DLGAP2: variants seen among roughly 807,000 people sequenced by gnomAD.
DLGAP2 encodes the protein disks large-associated protein 2.
In DLGAP2, 26 loss-of-function variants were observed where a neutral mutation model predicts 100.3. The observed-to-expected ratio is 0.26, with a 90% CI of 0.19 to 0.36. The LOEUF (loss-of-function observed/expected upper bound fraction) is 0.36, where lower values mean the gene tolerates loss of function less well. DLGAP2 is among the 10% of genes least tolerant of loss of function. The probability of loss-of-function intolerance (pLI) is 1.00; values close to 1 mark genes in which losing one functional copy is unlikely to be tolerated. For synonymous variants in DLGAP2, 886 were observed against 630.1 expected (o/e 1.41, Z -6.08); for missense variants, 1,858 against 1,453.2 (o/e 1.28, Z -4.53).
At chr8:1,645,252 AG>A (rs1438984158) in intron 8 of DLGAP2, among the ~76,000 whole-genome samples, 2 of 152,268 alleles carry the variant, frequency 1.3e-5, no homozygotes, top group African/African-American at 4.8e-5. Context: ...CACATTCTGT[AG>A]AAACCATACT....
At chr8:1,525,159 A>G (rs554049828) in intron 4 of DLGAP2, among the ~76,000 whole-genome samples, 52 of 148,062 alleles carry the variant, frequency 3.5e-4, no homozygotes, top group African/African-American at 1.3e-3. Context: ...ACTTCAAAGC[A>G]ATTCACCGGT....
At chr8:1,648,541 T>C (rs1322614316) in intron 8 of DLGAP2, among the ~76,000 whole-genome samples, 1 of 152,148 alleles carries the variant, frequency 6.6e-6, no homozygotes, top group East Asian at 1.9e-4. Context: ...CTCCTGGTCA[T>C]AGGCCATTGG....
chr8:1,641,087 C>T (rs1797887586), intron 8 of DLGAP2, among the ~76,000 whole-genome samples: 2 of 152,102 alleles, frequency 1.3e-5, no homozygotes, highest in South Asian at 2.1e-4. Context: ...GGAGTTAGGA[C>T]AGGAGCCCCT....
chr8:1,378,196 GCA>G lies in DLGAP2; in HGVS notation c.106+119317_106+119318del, dbSNP rs1796004667. 19 of 158,236 alleles carry G rather than the reference GCA, an allele frequency of 1.2e-4. No individual in the cohort carries two copies. In the South Asian group the frequency reaches 1.7e-3, roughly 14 times the overall value. 9.8% of individuals were successfully genotyped at this position (158,236 alleles called of 1,614,324 possible). Reference sequence around the variant, plus strand: ...ACCTGACCTCACCTGTCCATCCTGTGCACACCTGACCTCACCTGTGTGTCCTG... The same window carrying G: ...ACCTGACCTCACCTGTCCATCCTGTGCACCTGACCTCACCTGTGTGTCCTG... On this transcript the variant is annotated intron_variant, in intron 3 of 14. Coordinates refer to ENST00000637795, the MANE Select transcript of DLGAP2 (RefSeq NM_001346810.2).
chr8:1,416,486 C>T (rs1429299116), intron 3 of DLGAP2, among the ~76,000 whole-genome samples: 1 of 152,222 alleles, frequency 6.6e-6, no homozygotes, highest in Non-Finnish European at 1.5e-5. Flanking sequence ...GATTTTGCTG[C>T]TCCTGTTTCC....
chr8:1,093,523 C>CAAAACACCTTCACACCAACA (rs1804257695), intron 2 of DLGAP2, among the ~76,000 whole-genome samples: 1 of 86,980 alleles, frequency 1.1e-5, no homozygotes, highest in Non-Finnish European at 2.3e-5. Flanking sequence ...ACAGCCAGAC[C>CAAAACACCTTCACACCAACA]GAAACACCTT....
At chr8:1,606,770 C>A (rs1359649463) in intron 6 of DLGAP2, among the ~76,000 whole-genome samples, 4 of 152,148 alleles carry the variant, frequency 2.6e-5, no homozygotes, top group Non-Finnish European at 5.9e-5. Context: ...ACAACCTCCG[C>A]CCCCTGAGCT....
chr8:1,314,093 A>C (rs1197112270), intron 3 of DLGAP2, among the ~76,000 whole-genome samples: 1 of 152,234 alleles, frequency 6.6e-6, no homozygotes, highest in African/African-American at 2.4e-5. Context: ...TGCTGACTTA[A>C]TTAGATATGT....
chr8:969,272 A>G (rs1305827047), intron 2 of DLGAP2, among the ~76,000 whole-genome samples: 1 of 152,096 alleles, frequency 6.6e-6, no homozygotes, highest in Non-Finnish European at 1.5e-5. Context: ...CAGGCTTCAG[A>G]CTGGAACTTC....
chr8:1,660,441 G>T (rs1301483489), intron 8 of DLGAP2, among the ~76,000 whole-genome samples: 3 of 152,176 alleles, frequency 2.0e-5, no homozygotes, highest in African/African-American at 7.2e-5. Flanking sequence ...CTGTAAGTGA[G>T]AATGACAAAA....
At chr8:1,528,135 C>T (rs780514854) in intron 4 of DLGAP2, among the ~76,000 whole-genome samples, 10 of 152,342 alleles carry the variant, frequency 6.6e-5, no homozygotes, top group South Asian at 4.1e-4. Flanking sequence ...TCCACCCCGT[C>T]GGACGCAGCG....
At chr8:1,579,646 A>G (rs1563233594) in intron 6 of DLGAP2, among the ~76,000 whole-genome samples, 1 of 152,218 alleles carries the variant, frequency 6.6e-6, no homozygotes, top group South Asian at 2.1e-4. Flanking sequence ...AGCAAAGACT[A>G]TTCATCTACC....
At chr8:1,205,046 T>G (rs970205914) in intron 2 of DLGAP2, among the ~76,000 whole-genome samples, 2 of 152,194 alleles carry the variant, frequency 1.3e-5, no homozygotes, top group African/African-American at 4.8e-5. Flanking sequence ...AGGGCTGGTC[T>G]CTGCATCATG....
intron 2 of DLGAP2, among the ~76,000 whole-genome samples, chr8:1,223,203 C>G (rs139831295): frequency 0.014 from 2,163 of 152,320 alleles, 31 homozygotes; most frequent in South Asian, 0.069. Flanking sequence ...TGGTGCCCAG[C>G]AACCCTGTCC....
intron 3 of DLGAP2, among the ~76,000 whole-genome samples, chr8:1,389,587 A>T (rs558120347): frequency 6.6e-6 from 1 of 152,232 alleles, no homozygotes; most frequent in South Asian, 2.1e-4. Context: ...TTTGATTTTT[A>T]TCCCACCAGG....
At chr8:818,344 A>G (rs1796524008) in intron 1 of DLGAP2, among the ~76,000 whole-genome samples, 1 of 152,164 alleles carries the variant, frequency 6.6e-6, no homozygotes. Flanking sequence ...AGGTTGGTCT[A>G]ACTCCCACCG....
At chr8:1,167,936 C>T (rs1204630157) in intron 2 of DLGAP2, among the ~76,000 whole-genome samples, 2 of 151,810 alleles carry the variant, frequency 1.3e-5, no homozygotes. Context: ...AATGTGTAGG[C>T]TAGTTACATA....
intron 3 of DLGAP2, among the ~76,000 whole-genome samples, chr8:1,464,239 A>AGCT: frequency 7.9e-6 from 1 of 127,036 alleles, no homozygotes; most frequent in Non-Finnish European, 1.7e-5. Flanking sequence ...CCAGGACGAC[A>AGCT]CCCTTCCAGG....
intron 1 of DLGAP2, among the ~76,000 whole-genome samples, chr8:761,145 T>C (rs1396389516): frequency 6.6e-6 from 1 of 152,154 alleles, no homozygotes; most frequent in Non-Finnish European, 1.5e-5. Context: ...GGCCTGGGTG[T>C]CTCAATCCTG....
Sources: gnomAD v4.1 joint callset for allele counts (sites outside exome capture counted in the v4.1 genomes callset) on GRCh38, gnomAD v4.1.1 for gene constraint, MANE v1.5 for transcripts, NCBI Gene and HGNC (gene_info 2026-07-23, HGNC 2026-07-21) for gene names.